ITGB5: variants seen among roughly 807,000 people sequenced by gnomAD.
ITGB5 encodes integrin subunit beta 5, also known as integrin beta-5.
ITGB5 carries 38 observed loss-of-function variants against 84.8 expected under a neutral mutation model. That is an observed-to-expected ratio of 0.45 (90% CI 0.35 to 0.59). The LOEUF (loss-of-function observed/expected upper bound fraction) is 0.59, where lower values mean the gene tolerates loss of function less well. ITGB5 is among the 20% of genes least tolerant of loss of function. The pLI, the probability that ITGB5 is intolerant of heterozygous loss-of-function variation, is 0.01. For missense variants in ITGB5, 905 were observed against 1,034.5 expected (o/e 0.87, Z 1.72); for synonymous variants, 393 against 414.4 (o/e 0.95, Z 0.63).
intron 5 of ITGB5, among the ~76,000 whole-genome samples, chr3:124,836,907 AG>A (rs1221901623): frequency 6.6e-6 from 1 of 152,262 alleles, no homozygotes. Flanking sequence ...AATTGAACAC[AG>A]GCAAAATTAA....
At chr3:124,840,784 C>T (rs536644415) in intron 5 of ITGB5, among the ~76,000 whole-genome samples, 1 of 152,278 alleles carries the variant, frequency 6.6e-6, no homozygotes, top group Admixed American at 6.5e-5. Context: ...CTGCCTCAGC[C>T]TCCCGAGTAG....
chr3:124,797,321 A>G (rs1168860384), intron 9 of ITGB5, among the ~76,000 whole-genome samples: 1 of 152,126 alleles, frequency 6.6e-6, no homozygotes, highest in Admixed American at 6.5e-5. Flanking sequence ...CGCCATAGAG[A>G]GGGCTCTGTG....
chr3:124,825,113 C>T (rs1394739134), intron 5 of ITGB5, among the ~76,000 whole-genome samples: 5 of 150,572 alleles, frequency 3.3e-5, no homozygotes, highest in African/African-American at 7.3e-5. Flanking sequence ...AGGAGAATGG[C>T]GTGAACCTGG....
At position 124,796,373 on chromosome 3, in the gene ITGB5, G is replaced by C. The variant is rs2064223535; in HGVS notation, c.1693+15C>G. On this transcript the variant is annotated intron_variant, in intron 10 of 14. Transcript: ENST00000296181. ...GGCCTGGCTCAGAGCTAAAGTGCTT[G>C]CTGGGGACACTTACCTGAGCAGAGG... 5.0e-6 allele frequency: 8 copies of C among 1,588,928 alleles called. No homozygotes were observed. Among genetic ancestry groups the C allele is most frequent in the Non-Finnish European group, 6.9e-6 (8 of 1,164,008 alleles).
intron 10 of ITGB5, among the ~76,000 whole-genome samples, chr3:124,782,907 G>T (rs2064024986): frequency 6.6e-6 from 1 of 151,998 alleles, no homozygotes; most frequent in Admixed American, 6.6e-5. Context: ...GAGGAAAGGG[G>T]AGCTTGCAGT....
chr3:124,816,931 T>G (rs945759988), intron 8 of ITGB5, among the ~76,000 whole-genome samples: 3 of 152,256 alleles, frequency 2.0e-5, no homozygotes, highest in Non-Finnish European at 4.4e-5. Context: ...AAAACATTGA[T>G]TCTTTGGCCA....
intron 1 of ITGB5, among the ~76,000 whole-genome samples, chr3:124,873,881 A>C (rs559544885): frequency 1.3e-5 from 2 of 152,122 alleles, no homozygotes; most frequent in Non-Finnish European, 2.9e-5. Context: ...CAAAAAGAAA[A>C]GAAAAGAAAA....
At chr3:124,884,986 C>G (rs933572458) in intron 1 of ITGB5, among the ~76,000 whole-genome samples, 1 of 151,192 alleles carries the variant, frequency 6.6e-6, no homozygotes, top group South Asian at 2.1e-4. Context: ...AGAAATTATT[C>G]GCAGCCAGGC....
chr3:124,870,838 T>G (rs770576396), intron 2 of ITGB5, among the ~76,000 whole-genome samples: 1 of 151,958 alleles, frequency 6.6e-6, no homozygotes, highest in African/African-American at 2.4e-5. Context: ...GATAGACAGA[T>G]GGAGACAGTC....
intron 3 of ITGB5, among the ~76,000 whole-genome samples, chr3:124,852,921 C>T (rs1434523938): frequency 1.3e-5 from 2 of 152,246 alleles, no homozygotes; most frequent in East Asian, 3.9e-4. Context: ...CTCCTGAGCT[C>T]AAGTGATCCT....
intron 13 of ITGB5, among the ~76,000 whole-genome samples, chr3:124,765,316 T>C (rs1038744494): frequency 6.7e-6 from 1 of 148,884 alleles, no homozygotes; most frequent in African/African-American, 2.6e-5. Flanking sequence ...GGTATTTGGA[T>C]TAAAGCTTGA....
intron 5 of ITGB5, among the ~76,000 whole-genome samples, chr3:124,835,316 G>A (rs888962717): frequency 2.0e-5 from 3 of 152,202 alleles, no homozygotes; most frequent in Admixed American, 2.0e-4. Flanking sequence ...TTGGGATGTC[G>A]CCTCAGAGAC....
chr3:124,817,852 TC>T lies in ITGB5; in HGVS notation c.1039-143del, dbSNP rs2064630200. On this transcript the variant is annotated intron_variant, in intron 7 of 14. Transcript: ENST00000296181. ...TTCTCCCACCATGAACTAAAGAAGATCCCACAGGGAAAAGCAAGAAGAAATG... is the reference window on the plus strand; with the variant it reads ...TTCTCCCACCATGAACTAAAGAAGATCCACAGGGAAAAGCAAGAAGAAATG... 5 of 591,634 alleles carry T rather than the reference TC, an allele frequency of 8.5e-6. No individual in the cohort carries two copies. In the South Asian group the frequency reaches 1.1e-4, roughly 13 times the overall value. The allele number at this position is 591,634 out of a possible 1,614,324, so 36.6% of individuals were successfully genotyped here. A position where few individuals can be genotyped will look rare whatever the true frequency, so the allele number is the denominator to read the frequency against.
At position 124,861,495 on chromosome 3, in the gene ITGB5, T is replaced by TATATATACAC. The variant is rs750712591; in HGVS notation, c.157-2050_157-2049insGTGTATATAT. ...ACAAAACAAAACATATATATATATA[T>TATATATACAC]ACACACACACACACACACACACACA... On this transcript the variant is annotated intron_variant, in intron 2 of 14. Coordinates refer to ENST00000296181, the MANE Select transcript of ITGB5 (RefSeq NM_002213.5). Among the ~76,000 whole-genome samples the TATATATACAC allele has an allele frequency of 4.1e-3, 463 of 111,974 alleles. 1 individual carries two copies. The highest frequency in any genetic ancestry group is 0.016 in the African/African-American group (422 of 26,518). 73.5% of individuals were successfully genotyped at this position (111,974 alleles called of 152,430 possible). A position where few individuals can be genotyped will look rare whatever the true frequency, so the allele number is the denominator to read the frequency against.
chr3:124,788,641 A>C (rs547808921), intron 10 of ITGB5, among the ~76,000 whole-genome samples: 1 of 152,340 alleles, frequency 6.6e-6, no homozygotes, highest in East Asian at 1.9e-4. Context: ...TAGGATTTCT[A>C]TGATACCAGG....
chr3:124,866,417 G>A (rs1388227311), intron 2 of ITGB5, among the ~76,000 whole-genome samples: 8 of 152,230 alleles, frequency 5.3e-5, no homozygotes, highest in Non-Finnish European at 1.5e-5. Context: ...CATTATTTGA[G>A]TGCCATCCTG....
At chr3:124,783,855 A>C (rs970368591) in intron 10 of ITGB5, among the ~76,000 whole-genome samples, 5 of 152,170 alleles carry the variant, frequency 3.3e-5, no homozygotes, top group Admixed American at 2.0e-4. Flanking sequence ...AGCTCTTTAG[A>C]GATACAAACA....
chr3:124,883,348 T>C (rs1489839820), intron 1 of ITGB5, among the ~76,000 whole-genome samples: 1 of 152,214 alleles, frequency 6.6e-6, no homozygotes, highest in African/African-American at 2.4e-5. Context: ...CGGGGAATAC[T>C]AATTAGAGCT....
At chr3:124,798,629 T>C (rs187719473) in intron 9 of ITGB5, among the ~76,000 whole-genome samples, 107 of 152,302 alleles carry the variant, frequency 7.0e-4, no homozygotes, top group African/African-American at 2.5e-3. Context: ...TTTCACTGTG[T>C]TGGCCAGGCT....
Sources: allele counts gnomAD v4.1 joint callset (sites outside exome capture counted in the v4.1 genomes callset), GRCh38; gene constraint gnomAD v4.1.1; transcripts MANE v1.5; gene names NCBI Gene and HGNC (gene_info 2026-07-23, HGNC 2026-07-21).